MAMLD1: variants seen among roughly 807,000 people sequenced by gnomAD.
MAMLD1 encodes the protein mastermind-like domain-containing protein 1.
MAMLD1 carries 14 observed loss-of-function variants against 45.0 expected under a neutral mutation model. The observed-to-expected ratio is 0.31, with a 90% CI of 0.21 to 0.49. The LOEUF is 0.49. Among genes scored for constraint, MAMLD1 ranks in the 20% least tolerant of loss-of-function variants. The pLI is 0.99. For missense variants in MAMLD1, 543 were observed against 603.6 expected, an observed-to-expected ratio of 0.90 and a Z score of 1.05; for synonymous variants, 254 against 247.8, an observed-to-expected ratio of 1.02 and a Z score of -0.24.
Position 150,489,567 on chromosome X carries a change from T to C in MAMLD1, c.2041-13707T>C, listed in dbSNP as rs1041995994. On this transcript the variant is annotated intron_variant, in intron 5 of 7. Transcript: ENST00000370401. The stretch of plus-strand genomic sequence containing the variant: ...TAGGTGCAAAAGTAATTGCGGTTTT[T>C]ACCATTAAAAGTAATGGCAAAAACC... Among the ~76,000 whole-genome samples the C allele has an allele frequency of 3.8e-5, 4 of 106,614 alleles. No homozygotes were observed. In the Admixed American group the frequency reaches 4.0e-4, roughly 11 times the overall value. 92.6% of individuals were successfully genotyped at this position (106,614 alleles called of 115,157 possible).
chrX:150,481,964 A>AAAAGAAAGAAAG (rs57124938), intron 5 of MAMLD1, among the ~76,000 whole-genome samples: 964 of 56,561 alleles, frequency 0.017, 33 homozygotes, highest in East Asian at 0.03. Context: ...AAAGAAAGAA[A>AAAAGAAAGAAAG]AAAGAAAGAA....
chrX:150,492,722 G>A (rs12557239), intron 5 of MAMLD1, among the ~76,000 whole-genome samples: 22,678 of 111,363 alleles, frequency 0.2, 1,748 homozygotes, highest in Admixed American at 0.3. Context: ...ACACACAAAG[G>A]CTAAGTCCCT....
At chrX:150,504,497 C>A (rs2037664431) in intron 6 of MAMLD1, 1 of 614,116 alleles carries the variant, frequency 1.6e-6, no homozygotes, top group African/African-American at 2.5e-5. Flanking sequence ...CTATTGATTT[C>A]TCTCTCTCTC....
Position 150,511,984 on chromosome X carries a change from TTCTC to T in MAMLD1, c.*45-16_*45-13del. On this transcript the variant is annotated splice_polypyrimidine_tract_variant and intron_variant, in intron 7 of 7. Transcript: ENST00000370401. ...GGATGCCTTTGGAACTCATCCCCAC[TTCTC>T]TCTTTCTGTATGTAGCCGTCCAAGA... 1 of 1,052,158 alleles carries T rather than the reference TTCTC, an allele frequency of 9.5e-7. No homozygotes were observed. The highest frequency in any genetic ancestry group is 1.2e-6 in the Non-Finnish European group (1 of 819,555). The allele number at this position is 1,052,158 out of a possible 1,213,427, so 86.7% of individuals were successfully genotyped here. A position where few individuals can be genotyped will look rare whatever the true frequency, so the allele number is the denominator to read the frequency against.
chrX:150,437,800 T>C (rs1290545379), intron 1 of MAMLD1, among the ~76,000 whole-genome samples: 1 of 111,717 alleles, frequency 9.0e-6, no homozygotes, highest in Non-Finnish European at 1.9e-5. Flanking sequence ...ATACAGAACA[T>C]TTCAATCACC....
intron 6 of MAMLD1, among the ~76,000 whole-genome samples, chrX:150,505,794 C>T (rs782720473): frequency 2.7e-5 from 3 of 112,690 alleles, no homozygotes; most frequent in African/African-American, 9.7e-5. Flanking sequence ...GCCTGCCATT[C>T]ATTTTAGGAA....
intron 5 of MAMLD1, among the ~76,000 whole-genome samples, chrX:150,502,520 T>C (rs1305860687): frequency 8.9e-6 from 1 of 112,207 alleles, no homozygotes; most frequent in Non-Finnish European, 1.9e-5. Context: ...AGTATGAAGT[T>C]ATTTTAATTG....
chrX:150,453,054 T>C (rs1476402295), intron 2 of MAMLD1, among the ~76,000 whole-genome samples: 3 of 110,879 alleles, frequency 2.7e-5, no homozygotes, highest in Non-Finnish European at 3.8e-5. Context: ...TTTACGTTTT[T>C]CTGCTCCAGA....
chrX:150,494,975 G>A (rs1298470592), intron 5 of MAMLD1, among the ~76,000 whole-genome samples: 1 of 112,078 alleles, frequency 8.9e-6, no homozygotes, highest in Non-Finnish European at 1.9e-5. Context: ...GGAGACCAAG[G>A]TAGGCAGATC....
intron 6 of MAMLD1, 114 bp downstream of exon 6, chrX:150,503,631 G>A (rs1204392726): frequency 3.8e-6 from 2 of 520,195 alleles, no homozygotes; most frequent in African/African-American, 2.3e-5. Context: ...GGAGGTGACA[G>A]CTCCGAAGGT....
At chrX:150,498,825 T>C (rs1192414339) in intron 5 of MAMLD1, among the ~76,000 whole-genome samples, 1 of 112,486 alleles carries the variant, frequency 8.9e-6, no homozygotes, top group Non-Finnish European at 1.9e-5. Context: ...ACTTATGATA[T>C]ATTGAAATCC....
At chrX:150,491,032 T>C (rs781987028) in intron 5 of MAMLD1, among the ~76,000 whole-genome samples, 1 of 112,015 alleles carries the variant, frequency 8.9e-6, no homozygotes, top group Non-Finnish European at 1.9e-5. Flanking sequence ...ATCTGACTTG[T>C]AGGCCAGAGT....
chrX:150,417,808 C>A (rs1348173385), intron 1 of MAMLD1, among the ~76,000 whole-genome samples: 1 of 109,650 alleles, frequency 9.1e-6, no homozygotes, highest in South Asian at 4.1e-4. Flanking sequence ...TAAATGTCTT[C>A]TTTTGAGAAG....
At chrX:150,392,419 G>A (rs1438243091) in intron 1 of MAMLD1, among the ~76,000 whole-genome samples, 1 of 111,013 alleles carries the variant, frequency 9.0e-6, no homozygotes, top group Non-Finnish European at 1.9e-5. Context: ...GTCTAGTGCT[G>A]ATTTAGCCCC....
chrX:150,506,875 C>T (rs1282790669), intron 6 of MAMLD1, among the ~76,000 whole-genome samples: 4 of 112,580 alleles, frequency 3.6e-5, no homozygotes, highest in African/African-American at 1.3e-4. Flanking sequence ...CAGGTGGGGG[C>T]TTTACAGCTC....
intron 1 of MAMLD1, among the ~76,000 whole-genome samples, chrX:150,416,567 G>A (rs1416979801): frequency 2.7e-5 from 3 of 111,776 alleles, no homozygotes; most frequent in African/African-American, 9.8e-5. Context: ...ATGCCTGCTT[G>A]TATGCGTTTG....
At chrX:150,501,468 G>A (rs1165907937) in intron 5 of MAMLD1, among the ~76,000 whole-genome samples, 6 of 112,252 alleles carry the variant, frequency 5.3e-5, no homozygotes, top group Non-Finnish European at 9.4e-5. Flanking sequence ...GCAGATGGCC[G>A]GTGAGCTCAG....
chrX:150,429,720 T>C (rs2034851002), intron 1 of MAMLD1, among the ~76,000 whole-genome samples: 1 of 111,403 alleles, frequency 9.0e-6, no homozygotes, highest in African/African-American at 3.3e-5. Flanking sequence ...CTGAGTCATA[T>C]GGAAGTTGCA....
intron 3 of MAMLD1, among the ~76,000 whole-genome samples, chrX:150,464,418 C>T (rs782492830): frequency 2.7e-5 from 3 of 112,272 alleles, no homozygotes; most frequent in Non-Finnish European, 5.6e-5. Context: ...TCTCCAGAGC[C>T]TCATGTCTTG....
Sources: gnomAD v4.1 joint callset for allele counts (sites outside exome capture counted in the v4.1 genomes callset) on GRCh38, gnomAD v4.1.1 for gene constraint, MANE v1.5 for transcripts, NCBI Gene and HGNC (gene_info 2026-07-23, HGNC 2026-07-21) for gene names.